Variants in PRKCZ observed in about 807,000 individuals in gnomAD.
PRKCZ encodes protein kinase C zeta.
Under a neutral mutation model 79.5 loss-of-function variants are expected in PRKCZ, and 33 were observed. That is an observed-to-expected ratio of 0.41 (90% CI 0.31 to 0.55). The LOEUF (loss-of-function observed/expected upper bound fraction) is 0.55, where lower values mean the gene tolerates loss of function less well. Among genes scored for constraint, PRKCZ ranks in the 20% least tolerant of loss-of-function variants. The probability of loss-of-function intolerance (pLI) is 0.19; values close to 1 mark genes in which losing one functional copy is unlikely to be tolerated. For missense variants in PRKCZ, 578 were observed against 813.5 expected, an observed-to-expected ratio of 0.71 and a Z score of 3.52; for synonymous variants, 342 against 320.9, an observed-to-expected ratio of 1.07 and a Z score of -0.70.
intron 10 of PRKCZ, among the ~76,000 whole-genome samples, chr1:2,160,804 G>A (rs1200412200): frequency 6.6e-6 from 1 of 152,162 alleles, no homozygotes; most frequent in Non-Finnish European, 1.5e-5. Flanking sequence ...AGCCAGCCTG[G>A]ACGTGGAGGA....
intron 4 of PRKCZ, among the ~76,000 whole-genome samples, chr1:2,070,772 T>C (rs28375274): frequency 1.7e-4 from 1 of 5,762 alleles, no homozygotes; most frequent in Non-Finnish European, 4.1e-4. Flanking sequence ...CTGCAGGGGC[T>C]GGGGTGGGGC....
At chr1:2,139,993 C>CT (rs1676995736) in intron 5 of PRKCZ, among the ~76,000 whole-genome samples, 1 of 152,198 alleles carries the variant, frequency 6.6e-6, no homozygotes, top group Non-Finnish European at 1.5e-5. Flanking sequence ...TGGCCCAAGA[C>CT]TTTGGCCTTT....
intron 4 of PRKCZ, among the ~76,000 whole-genome samples, chr1:2,126,919 G>C (rs564618148): frequency 6.6e-6 from 1 of 152,248 alleles, no homozygotes; most frequent in South Asian, 2.1e-4. Flanking sequence ...GTGCTGCGCC[G>C]TGTGGCCCGG....
intron 4 of PRKCZ, among the ~76,000 whole-genome samples, chr1:2,102,620 CCG>C (rs1667686266): frequency 6.6e-6 from 1 of 152,286 alleles, no homozygotes; most frequent in East Asian, 1.9e-4. Flanking sequence ...GTGTGAGCCA[CCG>C]TGCCCGGCCC....
chr1:2,053,835 C>A (rs758392802), intron 1 of PRKCZ, among the ~76,000 whole-genome samples: 1 of 152,336 alleles, frequency 6.6e-6, no homozygotes, highest in African/African-American at 2.4e-5. Flanking sequence ...GTGTGTGACC[C>A]CCCTCCATTC....
intron 5 of PRKCZ, 119 bp from the exon 6 acceptor site, chr1:2,144,091 C>T: frequency 7.2e-7 from 1 of 1,385,784 alleles, no homozygotes; most frequent in Non-Finnish European, 9.7e-7. Context: ...GGTGCCGGGG[C>T]CACCTGTTGC....
chr1:2,151,336 G>C (rs1288996585), intron 9 of PRKCZ, among the ~76,000 whole-genome samples: 1 of 152,266 alleles, frequency 6.6e-6, no homozygotes, highest in African/African-American at 2.4e-5. Flanking sequence ...GCACTCACGT[G>C]TCTAAGCTTA....
At chr1:2,151,087 G>A (rs554009519) in intron 9 of PRKCZ, 109 bp downstream of exon 9, 1 of 1,317,896 alleles carries the variant, frequency 7.6e-7, no homozygotes, top group South Asian at 1.5e-5. Flanking sequence ...GCCTCACGTT[G>A]ACGGAGTTTG....
intron 4 of PRKCZ, among the ~76,000 whole-genome samples, chr1:2,112,472 C>T (rs1038511993): frequency 6.6e-6 from 1 of 152,150 alleles, no homozygotes; most frequent in Non-Finnish European, 1.5e-5. Context: ...TGCTGAGGAC[C>T]CCTCAGTCCA....
intron 4 of PRKCZ, among the ~76,000 whole-genome samples, chr1:2,097,444 C>T (rs954921177): frequency 2.6e-5 from 4 of 152,148 alleles, no homozygotes; most frequent in African/African-American, 4.8e-5. Context: ...GGGTCACTGG[C>T]GAGAGGGCTG....
intron 4 of PRKCZ, among the ~76,000 whole-genome samples, chr1:2,126,100 C>G (rs79062022): frequency 0.02 from 3,072 of 152,216 alleles, 79 homozygotes; most frequent in African/African-American, 0.062. Flanking sequence ...CTTCTCAGCA[C>G]AGCATCCAGC....
chr1:2,082,586 T>G lies in PRKCZ; in HGVS notation c.334+22995T>G. On this transcript the variant is annotated intron_variant, in intron 4 of 17. Transcript: ENST00000378567. This position sits in a 1 kb window ranked among gnomAD's most constrained non-coding sequence, Gnocchi z 4.4. ...TGTCACTCAGTCGATTTCCCTGGTG[T>G]AAATGCTCCCACCACGGCCGATTTC... 1 of 374,016 alleles carries G rather than the reference T, an allele frequency of 2.7e-6. No individual in the cohort carries two copies. Among genetic ancestry groups the G allele is most frequent in the Admixed American group, 3.4e-5 (1 of 29,354 alleles). The allele number at this position is 374,016 out of a possible 1,614,324, so 23.2% of individuals were successfully genotyped here.
At chr1:2,071,222 G>T in intron 4 of PRKCZ, 1 of 270,234 alleles carries the variant, frequency 3.7e-6, no homozygotes, top group South Asian at 2.8e-5. Flanking sequence ...GGCTTTGTGA[G>T]GCTCGACAGG....
In PRKCZ at chr1:2,054,578, A is replaced by G. The variant is rs149317194; in HGVS notation, c.72-863A>G. Among the ~76,000 whole-genome samples, 219 of 152,176 alleles carry G rather than the reference A, an allele frequency of 1.4e-3. 2 individuals carry two copies. Among genetic ancestry groups the G allele is most frequent in the African/African-American group, 5.0e-3 (208 of 41,522 alleles). On this transcript the variant is annotated intron_variant, in intron 1 of 17. Coordinates refer to ENST00000378567, the MANE Select transcript of PRKCZ (RefSeq NM_002744.6). ...TCTGTGTGACTCGGTTTTAAAAAAA[A>G]AAAAATCTGCCGGGGCTTCTGCCGT...
chr1:2,108,157 C>T (rs1023240977), intron 4 of PRKCZ, among the ~76,000 whole-genome samples: 16 of 152,244 alleles, frequency 1.1e-4, no homozygotes, highest in South Asian at 4.1e-4. Flanking sequence ...AGGTAAATGC[C>T]GCACTCGAGT....
chr1:2,114,909 CTT>C (rs1317128076), intron 4 of PRKCZ, among the ~76,000 whole-genome samples: 2 of 152,190 alleles, frequency 1.3e-5, no homozygotes, highest in African/African-American at 2.4e-5. Flanking sequence ...TCTTTCTTGA[CTT>C]TTTAAAATTG....
chr1:2,165,202 C>G lies in PRKCZ; in HGVS notation c.975-4316C>G, dbSNP rs1683093759. The stretch of plus-strand genomic sequence containing the variant: ...GCCTTTCCTCATCTGCTGGTGTCTT[C>G]CTCAGAGCTTTAATGTCCGTCCTGC... On this transcript the variant is annotated intron_variant, in intron 10 of 17. Coordinates refer to ENST00000378567, the MANE Select transcript of PRKCZ (RefSeq NM_002744.6). The surrounding 1 kb of genome is among the most constrained non-coding windows in gnomAD (Gnocchi z 4.1). 6.6e-6 allele frequency among the ~76,000 whole-genome samples: 1 copy of G among 152,220 alleles called. No homozygotes were observed. Among genetic ancestry groups the G allele is most frequent in the Non-Finnish European group, 1.5e-5 (1 of 68,044 alleles).
Position 2,149,032 on chromosome 1 carries a change from G to A in PRKCZ, c.687+108G>A. The A allele has an allele frequency of 7.9e-7, 1 of 1,263,442 alleles. No homozygotes were observed. Among genetic ancestry groups the A allele is most frequent in the South Asian group, 1.3e-5 (1 of 79,322 alleles). The allele number at this position is 1,263,442 out of a possible 1,614,324, so 78.3% of individuals were successfully genotyped here. On this transcript the variant is annotated intron_variant, in intron 8 of 17. Transcript: ENST00000378567. The surrounding 1 kb of genome is among the most constrained non-coding windows in gnomAD (Gnocchi z 4.1). ...CTAGATGTGAAATAGACATGGTCCG[G>A]GGTGTTGCTAACTAATCTTCACGGG...
intron 4 of PRKCZ, among the ~76,000 whole-genome samples, chr1:2,088,379 G>A (rs1664905148): frequency 6.6e-6 from 1 of 152,126 alleles, no homozygotes; most frequent in Non-Finnish European, 1.5e-5. Flanking sequence ...TTCCATCGTG[G>A]GCTTCCTGGG....
Sources: gnomAD v4.1 joint callset for allele counts (sites outside exome capture counted in the v4.1 genomes callset) on GRCh38, gnomAD v4.1.1 for gene constraint, Gnocchi (gnomAD v3.1) non-coding constraint, MANE v1.5 for transcripts, NCBI Gene and HGNC (gene_info 2026-07-23, HGNC 2026-07-21) for gene names.